Variants in AR observed in about 807,000 individuals in gnomAD.
AR encodes the protein dihydrotestosterone receptor.
Under a neutral mutation model 53.9 loss-of-function variants are expected in AR, and 8 were observed. The ratio of observed to expected loss-of-function variants is 0.15; its 90% CI spans 0.09 to 0.27. The LOEUF (loss-of-function observed/expected upper bound fraction) is 0.27. Among genes scored for constraint, AR ranks in the 10% least tolerant of loss-of-function variants. The pLI is 1.00. For missense variants in AR, 639 were observed against 742.5 expected, an observed-to-expected ratio of 0.86 and a Z score of 1.62; for synonymous variants, 359 against 316.4, an observed-to-expected ratio of 1.13 and a Z score of -1.43.
intron 3 of AR, among the ~76,000 whole-genome samples, chrX:67,707,734 G>C (rs1448332650): frequency 8.9e-6 from 1 of 111,896 alleles, no homozygotes; most frequent in East Asian, 2.8e-4. Context: ...TTTCTTCCTA[G>C]CCTCGATGGT....
chrX:67,662,198 C>T (rs1164431768), intron 2 of AR, among the ~76,000 whole-genome samples: 1 of 111,431 alleles, frequency 9.0e-6, no homozygotes, highest in Non-Finnish European at 1.9e-5. Context: ...TCCTTCAGTT[C>T]TGCTCTGATC....
intron 2 of AR, among the ~76,000 whole-genome samples, chrX:67,670,386 AAAT>A (rs1304020883): frequency 3.9e-5 from 4 of 102,878 alleles, no homozygotes; most frequent in Non-Finnish European, 5.9e-5. Context: ...AAATATTTTA[AAAT>A]AATAATTTTT....
chrX:67,703,450 G>A (rs2076051245), intron 3 of AR, among the ~76,000 whole-genome samples: 1 of 111,455 alleles, frequency 9.0e-6, no homozygotes, highest in Non-Finnish European at 1.9e-5. Context: ...GATTATTGTG[G>A]TTGTCTTAAA....
intron 3 of AR, among the ~76,000 whole-genome samples, chrX:67,705,896 G>A (rs755433947): frequency 9.8e-5 from 11 of 111,758 alleles, no homozygotes; most frequent in African/African-American, 3.6e-4. Context: ...TGCATCTATT[G>A]AGATAATCAT....
chrX:67,626,607 A>C (rs1924657331), intron 1 of AR, among the ~76,000 whole-genome samples: 1 of 48,947 alleles, frequency 2.0e-5, no homozygotes, highest in Non-Finnish European at 4.3e-5. Context: ...TGCCCGACTA[A>C]TTTTATATAT....
Position 67,686,013 on chromosome X carries a change from A to T in AR, c.1772A>T (p.Lys591Ile). 8.3e-7 allele frequency: 1 copy of T among 1,209,999 alleles called. No homozygotes were observed. Among genetic ancestry groups the T allele is most frequent in the South Asian group, 1.8e-5 (1 of 56,959 alleles). The change falls in exon 3 of 8, where the codon AAA becomes ATA. Residue 591 changes from lysine (K) to isoleucine (I), a missense_variant. Lys to Ile is a moderately radical substitution (Grantham distance 102). Transcript: ENST00000374690. ...ACTCTTGTATTTGTTCTCCCAGGGA[A>T]ACAGAAGTACCTGTGCGCCAGCAGA... ...KVFFKRAAEG[K>I]QKYLCASRND...
chrX:67,584,033 A>T (rs1433109169), intron 1 of AR, among the ~76,000 whole-genome samples: 1 of 112,572 alleles, frequency 8.9e-6, no homozygotes, highest in African/African-American at 3.2e-5. Context: ...GTTAGCAGAT[A>T]TAAAATAAAT....
chrX:67,565,017 A>G (rs754062120), intron 1 of AR, among the ~76,000 whole-genome samples: 51 of 111,223 alleles, frequency 4.6e-4, no homozygotes, highest in African/African-American at 1.6e-3. Context: ...TGAGGCAACT[A>G]TCCTTCTCTT....
chrX:67,581,831 A>C (rs1465864501), intron 1 of AR, among the ~76,000 whole-genome samples: 1 of 111,496 alleles, frequency 9.0e-6, no homozygotes, highest in African/African-American at 3.3e-5. Context: ...CGACAGAGGT[A>C]ATAGAAATTA....
intron 1 of AR, among the ~76,000 whole-genome samples, chrX:67,590,601 ACTGT>A (rs1374410662): frequency 8.9e-6 from 1 of 112,116 alleles, no homozygotes; most frequent in African/African-American, 3.2e-5. Flanking sequence ...TTTTCCTTTC[ACTGT>A]CTATTATCTC....
intron 2 of AR, among the ~76,000 whole-genome samples, chrX:67,644,793 C>T (rs1832972317): frequency 9.0e-6 from 1 of 111,627 alleles, no homozygotes; most frequent in Admixed American, 9.5e-5. Context: ...CCATGTTCAG[C>T]TCATACCCCC....
At chrX:67,703,431 T>C (rs2076051129) in intron 3 of AR, among the ~76,000 whole-genome samples, 1 of 111,612 alleles carries the variant, frequency 9.0e-6, no homozygotes, top group Admixed American at 9.5e-5. Context: ...TCTTAAGGTT[T>C]GAGTTTTGGA....
At chrX:67,644,225 G>T (rs777423530) in intron 2 of AR, among the ~76,000 whole-genome samples, 16 of 111,706 alleles carry the variant, frequency 1.4e-4, no homozygotes, top group African/African-American at 4.9e-4. Flanking sequence ...TAACCACCCA[G>T]GGCTTAAGCT....
Position 67,633,657 on chromosome X carries a change from G to A in AR, c.1617-9599G>A, listed in dbSNP as rs112458026. Among the ~76,000 whole-genome samples, 324 of 111,580 alleles carry A rather than the reference G, an allele frequency of 2.9e-3. 1 individual carries two copies. Among genetic ancestry groups the A allele is most frequent in the African/African-American group, 1.0e-2 (307 of 30,757 alleles). On this transcript the variant is annotated intron_variant, in intron 1 of 7. Coordinates refer to ENST00000374690, the MANE Select transcript of AR (RefSeq NM_000044.6). ...GGACGACAAATGTCTTCCAAATGTG[G>A]GCTCCAAATGTCCACCAACTGATAA...
intron 2 of AR, among the ~76,000 whole-genome samples, chrX:67,654,859 T>G (rs1926514373): frequency 2.1e-5 from 2 of 95,401 alleles, no homozygotes; most frequent in African/African-American, 7.9e-5. Context: ...TGCCGTCTCC[T>G]ACATTCCTAG....
intron 1 of AR, among the ~76,000 whole-genome samples, chrX:67,599,556 C>T (rs1356342780): frequency 1.8e-5 from 2 of 111,769 alleles, no homozygotes; most frequent in African/African-American, 6.5e-5. Flanking sequence ...ATCTCTGAAC[C>T]TGCACCTTTC....
At chrX:67,658,755 A>T (rs1192113212) in intron 2 of AR, among the ~76,000 whole-genome samples, 2 of 112,136 alleles carry the variant, frequency 1.8e-5, no homozygotes, top group African/African-American at 6.5e-5. Context: ...TTAGAAAACC[A>T]CGAGGGGTTT....
chrX:67,563,696 G>A (rs1358529337), intron 1 of AR, among the ~76,000 whole-genome samples: 1 of 111,976 alleles, frequency 8.9e-6, no homozygotes, highest in Non-Finnish European at 1.9e-5. Flanking sequence ...GGTAATGCAA[G>A]TTATTAAGTT....
intron 1 of AR, among the ~76,000 whole-genome samples, chrX:67,575,821 T>C (rs770630465): frequency 1.3e-4 from 15 of 112,036 alleles, no homozygotes; most frequent in African/African-American, 4.5e-4. Flanking sequence ...GTGGGCTGTG[T>C]TTCTAGCTAT....
Sources: allele counts gnomAD v4.1 joint callset (sites outside exome capture counted in the v4.1 genomes callset), GRCh38; gene constraint gnomAD v4.1.1; transcripts MANE v1.5; gene names NCBI Gene and HGNC (gene_info 2026-07-23, HGNC 2026-07-21).